Variants in KCNK10 observed in about 807,000 individuals in gnomAD.
KCNK10 encodes potassium channel subfamily K member 10.
A neutral mutation model predicts 47.7 loss-of-function variants in KCNK10; 25 were observed. That is an observed-to-expected ratio of 0.52 (90% CI 0.38 to 0.73). KCNK10 has a LOEUF of 0.73. KCNK10 is among the 30% of genes least tolerant of loss of function. The pLI, the probability that KCNK10 is intolerant of heterozygous loss-of-function variation, is 0.00. For synonymous variants in KCNK10, 303 were observed against 285.6 expected (o/e 1.06, Z -0.61); for missense variants, 563 against 714.5 (o/e 0.79, Z 2.42).
chr14:88,242,673 A>G (rs887918406), intron 2 of KCNK10, among the ~76,000 whole-genome samples: 14 of 152,232 alleles, frequency 9.2e-5, no homozygotes, highest in African/African-American at 2.9e-4. Flanking sequence ...CAGTGGTCAC[A>G]TAATCATCAG....
chr14:88,279,364 CGTGTGTGTGTGTGTGTGTGT>C lies in KCNK10; in HGVS notation c.53-15833_53-15814del, dbSNP rs58319931. Among the ~76,000 whole-genome samples the C allele has an allele frequency of 6.9e-4, 95 of 137,674 alleles. 1 individual carries two copies. The highest frequency in any genetic ancestry group is 2.5e-3 in the African/African-American group (90 of 36,416). 90.3% of individuals were successfully genotyped at this position (137,674 alleles called of 152,430 possible). ...TTAGTTAAGGGAGAATTGCCAGATACGTGTGTGTGTGTGTGTGTGTGTGTGTGTGTGTGTGTGTGTGTGTG... is the reference window on the plus strand; with the variant it reads ...TTAGTTAAGGGAGAATTGCCAGATACGTGTGTGTGTGTGTGTGTGTGTGTG... On this transcript the variant is annotated intron_variant, in intron 1 of 6. Coordinates refer to ENST00000319231, the MANE Select transcript of KCNK10 (RefSeq NM_138317.3).
intron 4 of KCNK10, among the ~76,000 whole-genome samples, chr14:88,202,692 C>T (rs1436983959): frequency 6.7e-6 from 1 of 149,798 alleles, no homozygotes; most frequent in Non-Finnish European, 1.5e-5. Context: ...TAGGCAAGAC[C>T]GGGTTAGGAA....
intron 3 of KCNK10, among the ~76,000 whole-genome samples, chr14:88,229,432 GA>G (rs373568028): frequency 3.3e-5 from 5 of 152,022 alleles, no homozygotes; most frequent in East Asian, 3.9e-4. Flanking sequence ...AAAATGCAGG[GA>G]GAAAAAAATC....
Position 88,185,194 on chromosome 14 carries a change from G to T in KCNK10, c.*341C>A. 4.0e-6 allele frequency: 1 copy of T among 252,294 alleles called. No individual in the cohort carries two copies. The highest frequency in any genetic ancestry group is 7.7e-6 in the Non-Finnish European group (1 of 130,604). 15.6% of individuals were successfully genotyped at this position (252,294 alleles called of 1,614,324 possible). A position where few individuals can be genotyped will look rare whatever the true frequency, so the allele number is the denominator to read the frequency against. ...CACACCTGTTTCTTTCAGGAGGCTGGTCTAAGGAATAGCTGCCCTTGTCTA... is the reference window on the plus strand; with the variant it reads ...CACACCTGTTTCTTTCAGGAGGCTGTTCTAAGGAATAGCTGCCCTTGTCTA... On this transcript the variant is annotated 3_prime_UTR_variant, in exon 7 of 7. Transcript: ENST00000319231. The surrounding 1 kb of genome is among the most constrained non-coding windows in gnomAD (Gnocchi z 4.3).
intron 4 of KCNK10, among the ~76,000 whole-genome samples, chr14:88,217,408 C>G (rs1401553941): frequency 6.6e-6 from 1 of 152,166 alleles, no homozygotes; most frequent in African/African-American, 2.4e-5. Context: ...GGGTGCAATG[C>G]TGATGTGCAC....
At chr14:88,234,937 C>A in intron 3 of KCNK10, 1 of 345,860 alleles carries the variant, frequency 2.9e-6, no homozygotes. Context: ...TGACAGGGCC[C>A]TAAAGTGGTA....
At chr14:88,209,641 T>A (rs1189298447) in intron 4 of KCNK10, among the ~76,000 whole-genome samples, 1 of 152,124 alleles carries the variant, frequency 6.6e-6, no homozygotes, top group South Asian at 2.1e-4. Flanking sequence ...TGCCCATGGG[T>A]TTCTTTCTCT....
At chr14:88,207,761 C>T (rs1450033178) in intron 4 of KCNK10, among the ~76,000 whole-genome samples, 1 of 152,116 alleles carries the variant, frequency 6.6e-6, no homozygotes, top group African/African-American at 2.4e-5. Context: ...GCAGATGGGA[C>T]CCGACCTCAC....
At chr14:88,305,510 G>C (rs967660379) in intron 1 of KCNK10, among the ~76,000 whole-genome samples, 1 of 152,050 alleles carries the variant, frequency 6.6e-6, no homozygotes, top group African/African-American at 2.4e-5. Context: ...AGATATCTTG[G>C]GGAGAAAACT....
At chr14:88,246,382 C>A (rs560913032) in intron 2 of KCNK10, among the ~76,000 whole-genome samples, 88 of 152,234 alleles carry the variant, frequency 5.8e-4, no homozygotes, top group African/African-American at 1.9e-3. Context: ...CTCAAAAATG[C>A]CCCTAATGAT....
At chr14:88,306,161 A>G (rs1041819364) in intron 1 of KCNK10, among the ~76,000 whole-genome samples, 8 of 152,234 alleles carry the variant, frequency 5.3e-5, no homozygotes, top group Non-Finnish European at 1.0e-4. Context: ...AAAGTCTTAC[A>G]TAAACCCAGA....
chr14:88,260,225 A>G lies in KCNK10; in HGVS notation c.402+2977T>C, dbSNP rs7146675. On this transcript the variant is annotated intron_variant, in intron 2 of 6. Coordinates refer to ENST00000319231, the MANE Select transcript of KCNK10 (RefSeq NM_138317.3). The surrounding 1 kb of genome is among the most constrained non-coding windows in gnomAD (Gnocchi z 4.5). ...CCCAAAGTGCTGGGATTACAGGTGT[A>G]AGCCACCGCGCCAGGCCAAGATATG... Among the ~76,000 whole-genome samples the G allele has an allele frequency of 0.067, 10,210 of 152,140 alleles. 953 individuals are homozygous for G. Among genetic ancestry groups the G allele is most frequent in the African/African-American group, 0.21 (8,723 of 41,496 alleles).
At chr14:88,231,051 G>T (rs1393897205) in intron 3 of KCNK10, among the ~76,000 whole-genome samples, 2 of 152,008 alleles carry the variant, frequency 1.3e-5, no homozygotes, top group East Asian at 3.9e-4. Flanking sequence ...AAGGTGGGAG[G>T]ATCACTTGAG....
At chr14:88,235,974 G>A (rs1289828427) in intron 3 of KCNK10, among the ~76,000 whole-genome samples, 1 of 152,314 alleles carries the variant, frequency 6.6e-6, no homozygotes, top group East Asian at 1.9e-4. Context: ...CCCAACAGCT[G>A]CATAAAAACT....
intron 4 of KCNK10, among the ~76,000 whole-genome samples, chr14:88,222,059 C>G (rs975835110): frequency 6.6e-6 from 1 of 152,204 alleles, no homozygotes; most frequent in African/African-American, 2.4e-5. Context: ...ATTGGACTTA[C>G]AGTTCCACAT....
chr14:88,198,316 G>A (rs1293302703), intron 4 of KCNK10, among the ~76,000 whole-genome samples: 1 of 152,152 alleles, frequency 6.6e-6, no homozygotes, highest in East Asian at 1.9e-4. Context: ...TAAGGAGAAT[G>A]GGACACCTGC....
intron 4 of KCNK10, among the ~76,000 whole-genome samples, chr14:88,209,701 C>T (rs1287538238): frequency 6.6e-6 from 1 of 152,234 alleles, no homozygotes; most frequent in African/African-American, 2.4e-5. Flanking sequence ...CCCCACCCAC[C>T]TCCATGCCCA....
At position 88,182,774 on chromosome 14, in the gene KCNK10, T is replaced by C. The variant is rs551172178; in HGVS notation, c.*2761A>G. 1 of 152,428 alleles carries C rather than the reference T, an allele frequency of 6.6e-6. No individual in the cohort carries two copies. Among genetic ancestry groups the C allele is most frequent in the South Asian group, 2.1e-4 (1 of 4,824 alleles). 9.4% of individuals were successfully genotyped at this position (152,428 alleles called of 1,614,324 possible). ...CATGCACCTGTTCCATTTGGTAGAG[T>C]ATGCAGCTTAGTGCTTTGAACTATT... On this transcript the variant is annotated 3_prime_UTR_variant, in exon 7 of 7. Transcript: ENST00000319231.
chr14:88,288,444 C>T (rs909413593), intron 1 of KCNK10, among the ~76,000 whole-genome samples: 14 of 152,186 alleles, frequency 9.2e-5, no homozygotes, highest in South Asian at 8.3e-4. Context: ...ACACCCACAG[C>T]CAGTCCAGCC....
Sources: allele counts gnomAD v4.1 joint callset (sites outside exome capture counted in the v4.1 genomes callset), GRCh38; gene constraint gnomAD v4.1.1; non-coding constraint Gnocchi (gnomAD v3.1); transcripts MANE v1.5; gene names NCBI Gene and HGNC (gene_info 2026-07-23, HGNC 2026-07-21).